Variants in GRIK4 observed in about 807,000 individuals in gnomAD.
GRIK4 encodes the protein glutamate receptor ionotropic, kainate 4.
GRIK4 carries 40 observed loss-of-function variants against 104.9 expected under a neutral mutation model. The observed-to-expected ratio is 0.38, with a 90% confidence interval of 0.30 to 0.50. The LOEUF is 0.50. GRIK4 is among the 20% of genes least tolerant of loss of function. GRIK4 has a pLI of 0.93. For missense variants in GRIK4, 1,047 were observed against 1,308.1 expected (o/e 0.80, Z 3.08); for synonymous variants, 485 against 524.9 (o/e 0.92, Z 1.04).
intron 13 of GRIK4, among the ~76,000 whole-genome samples, chr11:120,912,009 G>C (rs371730313): frequency 6.6e-6 from 1 of 152,096 alleles, no homozygotes. Context: ...TTTTAAATGC[G>C]TATATGTTTT....
intron 1 of GRIK4, among the ~76,000 whole-genome samples, chr11:120,517,577 G>A (rs1422842618): frequency 7.7e-6 from 1 of 129,716 alleles, no homozygotes; most frequent in Non-Finnish European, 1.6e-5. Context: ...GCTGCGGGGT[G>A]TTGGGAGAGA....
intron 1 of GRIK4, among the ~76,000 whole-genome samples, chr11:120,553,610 C>T (rs1948159957): frequency 6.6e-6 from 1 of 152,118 alleles, no homozygotes. Flanking sequence ...GAAGGTTTGA[C>T]CTGAACTCAG....
At chr11:120,655,975 A>G (rs527918691) in intron 2 of GRIK4, among the ~76,000 whole-genome samples, 32 of 152,260 alleles carry the variant, frequency 2.1e-4, no homozygotes, top group Non-Finnish European at 4.3e-4. Flanking sequence ...GTAGATGTCA[A>G]TGCCACAGCA....
chr11:120,704,661 T>C (rs913108659), intron 3 of GRIK4, among the ~76,000 whole-genome samples: 4 of 151,988 alleles, frequency 2.6e-5, no homozygotes, highest in Non-Finnish European at 5.9e-5. Context: ...TGGTATGTGG[T>C]CGGTAAATGT....
intron 1 of GRIK4, among the ~76,000 whole-genome samples, chr11:120,586,448 G>A (rs1948665287): frequency 6.6e-6 from 1 of 152,136 alleles, no homozygotes; most frequent in African/African-American, 2.4e-5. Context: ...GAGCAGTTTG[G>A]ACTTTCCCAC....
chr11:120,986,209 C>G lies in GRIK4; in HGVS notation c.2820C>G (p.Ser940Arg), dbSNP rs1185159972. ...GGGCACGGCCGTCGCCCGCCCGCAG[C>G]GAGGAGAGCCTGGAGTGGGAGAAAA... is the stretch of plus-strand genomic sequence containing the variant. Reference protein sequence around the residue: ...GLRARPSPARSEESLEWEKTT... With the variant: ...GLRARPSPARREESLEWEKTT... Residue 940 changes from serine (S) to arginine (R), a missense_variant, in exon 21 of 21, where the codon AGC (serine) becomes AGG (arginine). By Grantham distance (110) the Ser-to-Arg change is moderately radical. Coordinates refer to ENST00000527524, the MANE Select transcript of GRIK4 (RefSeq NM_014619.5). The G allele has an allele frequency of 4.5e-6, 7 of 1,570,818 alleles. No individual in the cohort carries two copies. The highest frequency in any genetic ancestry group is 8.6e-7 in the Non-Finnish European group (1 of 1,168,304).
At chr11:120,546,609 C>T (rs1036564935) in intron 1 of GRIK4, among the ~76,000 whole-genome samples, 1 of 152,168 alleles carries the variant, frequency 6.6e-6, no homozygotes, top group African/African-American at 2.4e-5. Flanking sequence ...CCATGGGAGT[C>T]TTGCCCCACA....
chr11:120,796,076 C>G (rs1461129313), intron 3 of GRIK4, among the ~76,000 whole-genome samples: 2 of 145,654 alleles, frequency 1.4e-5, no homozygotes, highest in Non-Finnish European at 3.0e-5. Context: ...CGCTCTGTTG[C>G]CAAGGCCGGA....
chr11:120,956,821 A>G lies in GRIK4; in HGVS notation c.1742A>G (p.Gln581Arg). 1.9e-6 allele frequency: 3 copies of G among 1,613,730 alleles called. No individual in the cohort carries two copies. The highest frequency in any genetic ancestry group is 2.5e-6 in the Non-Finnish European group (3 of 1,179,836). ...TGGTACAGCCCACACCCATGTGCCC[A>G]GGGCCGGTGCAACCTCCTGGTGAAC... ...YEWYSPHPCA[Q>R]GRCNLLVNQY... is the part of the protein sequence containing the mutation. Residue 581 changes from glutamine (Q) to arginine (R), a missense_variant, in exon 16 of 21, where the codon CAG (glutamine) becomes CGG (arginine). Physicochemically the swap from Gln to Arg is conservative, Grantham distance 43 (BLOSUM62 1). This residue lies in a region of GRIK4 where 440 missense variants were observed against 652.3 expected (regional missense o/e 0.67). Coordinates refer to ENST00000527524, the MANE Select transcript of GRIK4 (RefSeq NM_014619.5). This position sits in a 1 kb window ranked among gnomAD's most constrained non-coding sequence, Gnocchi z 4.6.
At chr11:120,814,852 C>T (rs2135532792) in intron 4 of GRIK4, among the ~76,000 whole-genome samples, 1 of 152,322 alleles carries the variant, frequency 6.6e-6, no homozygotes, top group Middle Eastern at 3.4e-3. Context: ...ATTTTCTTTC[C>T]CTTTTTCTTG....
Position 120,861,955 on chromosome 11 carries a change from C to A in GRIK4, c.745-4C>A. ...TTCTTATTTCTGATGCTGGGTCTTT[C>A]CAGGAGTTCTCACTCCAGAGAATGG... On this transcript the variant is annotated splice_region_variant and splice_polypyrimidine_tract_variant and intron_variant, in intron 8 of 20. Transcript: ENST00000527524. 6.2e-7 allele frequency: 1 copy of A among 1,610,052 alleles called. No homozygotes were observed. The highest frequency in any genetic ancestry group is 8.5e-7 in the Non-Finnish European group (1 of 1,176,442).
At chr11:120,550,176 CA>C (rs1014373441) in intron 1 of GRIK4, among the ~76,000 whole-genome samples, 5 of 151,916 alleles carry the variant, frequency 3.3e-5, no homozygotes, top group African/African-American at 4.8e-5. Context: ...GGCTTACACC[CA>C]GGGGTGGTGG....
At chr11:120,554,654 GT>G (rs1201888618) in intron 1 of GRIK4, among the ~76,000 whole-genome samples, 1 of 152,038 alleles carries the variant, frequency 6.6e-6, no homozygotes, top group Non-Finnish European at 1.5e-5. Flanking sequence ...CGCCTCCCGG[GT>G]TCAAGCGATT....
At chr11:120,723,996 A>C (rs989994245) in intron 3 of GRIK4, among the ~76,000 whole-genome samples, 8 of 151,402 alleles carry the variant, frequency 5.3e-5, no homozygotes, top group Non-Finnish European at 1.2e-4. Flanking sequence ...GCAACCACTG[A>C]TCTGTTTTCT....
intron 4 of GRIK4, among the ~76,000 whole-genome samples, chr11:120,806,247 A>G (rs1952709855): frequency 6.6e-6 from 1 of 151,812 alleles, no homozygotes; most frequent in South Asian, 2.1e-4. Context: ...AGCCCTACTT[A>G]TGTGGCAGCA....
chr11:120,932,312 G>T (rs572928279), intron 13 of GRIK4, among the ~76,000 whole-genome samples: 66 of 152,258 alleles, frequency 4.3e-4, no homozygotes, highest in Middle Eastern at 6.8e-3. Flanking sequence ...GTGGAGAGCT[G>T]CAAGGGTACA....
intron 3 of GRIK4, among the ~76,000 whole-genome samples, chr11:120,774,542 G>C (rs1366904697): frequency 6.6e-6 from 1 of 152,178 alleles, no homozygotes; most frequent in Non-Finnish European, 1.5e-5. Context: ...TCTTAAGTAA[G>C]TCCTTCAGCT....
At chr11:120,958,203 C>T (rs912277396) in intron 16 of GRIK4, among the ~76,000 whole-genome samples, 8 of 152,252 alleles carry the variant, frequency 5.3e-5, no homozygotes, top group Non-Finnish European at 1.0e-4. Context: ...AACCCCATTG[C>T]CCACTTTATC....
chr11:120,660,433 A>G, intron 3 of GRIK4, 33 bp downstream of exon 3: 1 of 1,515,214 alleles, frequency 6.6e-7, no homozygotes, highest in Non-Finnish European at 9.1e-7. Context: ...CAGTGCCCCC[A>G]CCCACTATCC....
Sources: allele counts gnomAD v4.1 joint callset (sites outside exome capture counted in the v4.1 genomes callset), GRCh38; gene constraint gnomAD v4.1.1; regional missense constraint gnomAD v4.1.1; non-coding constraint Gnocchi (gnomAD v3.1); transcripts MANE v1.5; gene names NCBI Gene and HGNC (gene_info 2026-07-23, HGNC 2026-07-21).